Variants in CEP95 observed in about 807,000 individuals in gnomAD.
The protein encoded by CEP95 is centrosomal protein of 95 kDa.
In CEP95, 98 loss-of-function variants were observed where a neutral mutation model predicts 111.2. The ratio of observed to expected loss-of-function variants is 0.88; its 90% confidence interval spans 0.75 to 1.04. The LOEUF (loss-of-function observed/expected upper bound fraction) is 1.04, where lower values mean the gene tolerates loss of function less well. CEP95 is among the 50% of genes least tolerant of loss of function. The probability of loss-of-function intolerance (pLI) is 0.00; values close to 1 mark genes in which losing one functional copy is unlikely to be tolerated. For missense variants in CEP95, 1,027 were observed against 977.2 expected (o/e 1.05, Z -0.68); for synonymous variants, 323 against 327.1 (o/e 0.99, Z 0.14).
intron 1 of CEP95, chr17:64,507,517 G>A: frequency 8.8e-7 from 1 of 1,136,692 alleles, no homozygotes; most frequent in East Asian, 6.0e-5. Context: ...GCATTCTTAA[G>A]ATTTATTATG....
intron 1 of CEP95, chr17:64,508,065 T>A (rs1555673572): frequency 5.1e-6 from 5 of 985,368 alleles, no homozygotes; most frequent in East Asian, 1.1e-4. Context: ...ACCGTTGATG[T>A]TGTTATTATA....
chr17:64,509,804 G>C (rs531153172), intron 2 of CEP95, among the ~76,000 whole-genome samples: 1 of 151,468 alleles, frequency 6.6e-6, no homozygotes, highest in Non-Finnish European at 1.5e-5. Flanking sequence ...ATCATGTCTT[G>C]GCTCCCTTAT....
intron 17 of CEP95, chr17:64,535,046 T>C: frequency 2.7e-6 from 1 of 363,918 alleles, no homozygotes; most frequent in Non-Finnish European, 5.3e-6. Flanking sequence ...GAGACAAATT[T>C]AGTGTGATAA....
chr17:64,507,431 C>G, intron 1 of CEP95: 1 of 1,350,726 alleles, frequency 7.4e-7, no homozygotes, highest in East Asian at 3.0e-5. Context: ...CGTCTAGCCG[C>G]TGTCCGTGTG....
chr17:64,509,369 G>C (rs1361854972), intron 2 of CEP95, among the ~76,000 whole-genome samples: 1 of 152,136 alleles, frequency 6.6e-6, no homozygotes, highest in Non-Finnish European at 1.5e-5. Flanking sequence ...AATAATTCTA[G>C]TTGGCTATTC....
intron 3 of CEP95, among the ~76,000 whole-genome samples, chr17:64,512,121 C>A (rs1295618396): frequency 1.3e-5 from 2 of 152,140 alleles, no homozygotes; most frequent in African/African-American, 4.8e-5. Flanking sequence ...GTGTTGGGAA[C>A]AATCTCTAGC....
intron 17 of CEP95, chr17:64,535,439 T>G (rs1968585982): frequency 6.5e-6 from 1 of 153,356 alleles, no homozygotes. Context: ...CTCAGTGATG[T>G]ACATGTGTAG....
intron 17 of CEP95, 98 bp from the exon 18 acceptor site, chr17:64,536,504 T>A (rs561233085): frequency 7.4e-4 from 493 of 665,854 alleles, no homozygotes; most frequent in Non-Finnish European, 8.7e-4. Context: ...AACTAGTATT[T>A]AAAAAAAAAA....
chr17:64,509,664 G>A (rs1195936899), intron 2 of CEP95, among the ~76,000 whole-genome samples: 3 of 152,156 alleles, frequency 2.0e-5, no homozygotes, highest in African/African-American at 4.8e-5. Flanking sequence ...CAGCCTGGGC[G>A]ATAGAGCGAG....
At chr17:64,531,292 A>T (rs868931362) in intron 13 of CEP95, among the ~76,000 whole-genome samples, 1 of 152,238 alleles carries the variant, frequency 6.6e-6, no homozygotes. Flanking sequence ...TTAGCAGTTC[A>T]CCAGGGGCTT....
chr17:64,523,214 C>T (rs546058544), intron 8 of CEP95, among the ~76,000 whole-genome samples: 2 of 152,100 alleles, frequency 1.3e-5, no homozygotes, highest in Non-Finnish European at 2.9e-5. Context: ...TTGTGCCAGG[C>T]GCAGTTCTGG....
intron 16 of CEP95, 180 bp from the exon 17 acceptor site, chr17:64,534,405 C>T (rs1968503134): frequency 3.5e-6 from 2 of 566,280 alleles, no homozygotes; most frequent in Non-Finnish European, 6.3e-6. Context: ...GTTATTGGAG[C>T]TGCTCTTCAG....
intron 12 of CEP95, among the ~76,000 whole-genome samples, chr17:64,529,777 A>G (rs1045561138): frequency 2.6e-5 from 4 of 152,212 alleles, no homozygotes; most frequent in African/African-American, 9.6e-5. Flanking sequence ...GATGAGATCA[A>G]GTACCCAAGA....
At chr17:64,507,443 C>T (rs2038615707) in intron 1 of CEP95, 9 of 1,337,322 alleles carry the variant, frequency 6.7e-6, no homozygotes, top group East Asian at 3.1e-5. Context: ...GTCCGTGTGC[C>T]CTCCGCCCTT....
chr17:64,527,645 T>C lies in CEP95; in HGVS notation c.1306+381T>C, dbSNP rs1197459121. ...GTTTTATGTTGTTTAAAAATTTACA[T>C]ACTGTATATATTATTCTGCAACTTG... On this transcript the variant is annotated intron_variant, in intron 11 of 19. Transcript: ENST00000556440. Among the ~76,000 whole-genome samples the C allele has an allele frequency of 9.2e-5, 14 of 152,146 alleles. 1 individual carries two copies. Among genetic ancestry groups the C allele is most frequent in the Non-Finnish European group, 4.4e-5 (3 of 68,022 alleles).
chr17:64,526,978 T>A, intron 10 of CEP95, 133 bp from the exon 11 acceptor site: 1 of 621,628 alleles, frequency 1.6e-6, no homozygotes, highest in Non-Finnish European at 2.8e-6. Flanking sequence ...AGTAAATAAT[T>A]AAACATGCAT....
At chr17:64,512,917 C>T (rs2038968779) in intron 3 of CEP95, among the ~76,000 whole-genome samples, 1 of 152,080 alleles carries the variant, frequency 6.6e-6, no homozygotes, top group East Asian at 1.9e-4. Flanking sequence ...GTTTGTAAAA[C>T]TCTTTAATGC....
At chr17:64,508,240 T>A in intron 1 of CEP95, 1 of 985,084 alleles carries the variant, frequency 1.0e-6, no homozygotes, top group Non-Finnish European at 1.2e-6. Flanking sequence ...AACTGTTGTT[T>A]ATGACATAAT....
chr17:64,536,423 T>C, intron 17 of CEP95, 179 bp from the exon 18 acceptor site: 1 of 443,612 alleles, frequency 2.3e-6, no homozygotes, highest in Non-Finnish European at 4.0e-6. Context: ...CACTCCAGCC[T>C]GGGTGACAGA....
Sources: allele counts gnomAD v4.1 joint callset (sites outside exome capture counted in the v4.1 genomes callset), GRCh38; gene constraint gnomAD v4.1.1; transcripts MANE v1.5; gene names NCBI Gene and HGNC (gene_info 2026-07-23, HGNC 2026-07-21).